CIT: variants seen among roughly 807,000 people sequenced by gnomAD.
CIT encodes citron rho-interacting serine/threonine kinase.
A neutral mutation model predicts 272.7 loss-of-function variants in CIT; 79 were observed. That is an observed-to-expected ratio of 0.29 (90% CI 0.24 to 0.35). The LOEUF (loss-of-function observed/expected upper bound fraction) is 0.35. Ranked by LOEUF, CIT falls within the 10% of genes least tolerant of loss-of-function variation. The pLI is 1.00. For missense variants in CIT, 1,909 were observed against 2,618.3 expected, an observed-to-expected ratio of 0.73 and a Z score of 5.91; for synonymous variants, 948 against 995.6, an observed-to-expected ratio of 0.95 and a Z score of 0.90.
At chr12:119,743,894 A>G (rs1239916287) in intron 23 of CIT, among the ~76,000 whole-genome samples, 2 of 152,228 alleles carry the variant, frequency 1.3e-5, no homozygotes, top group Non-Finnish European at 2.9e-5. Flanking sequence ...CAAGATGATG[A>G]CAGGGACCAA....
At chr12:119,852,627 G>A (rs952450182) in intron 4 of CIT, among the ~76,000 whole-genome samples, 10 of 151,854 alleles carry the variant, frequency 6.6e-5, no homozygotes, top group Admixed American at 3.3e-4. Flanking sequence ...ACTGGAACCC[G>A]GGGGCAGAGG....
Position 119,770,951 on chromosome 12 carries a change from C to T in CIT, c.2083-41G>A. 1.2e-6 allele frequency: 2 copies of T among 1,609,440 alleles called. No individual in the cohort carries two copies. The highest frequency in any genetic ancestry group is 1.7e-6 in the Non-Finnish European group (2 of 1,178,190). Reference sequence around the variant, plus strand: ...CAATCAGAGAGTTTTAATGGAGTAACCGCTATGGGCATAACACCTGCACCG... The same window carrying T: ...CAATCAGAGAGTTTTAATGGAGTAATCGCTATGGGCATAACACCTGCACCG... On this transcript the variant is annotated intron_variant, in intron 17 of 47. Transcript: ENST00000392521. The surrounding 1 kb of genome is among the most constrained non-coding windows in gnomAD (Gnocchi z 4.4).
At chr12:119,724,163 G>C (rs531132702) in intron 28 of CIT, among the ~76,000 whole-genome samples, 144 of 152,168 alleles carry the variant, frequency 9.5e-4, no homozygotes, top group African/African-American at 3.4e-3. Flanking sequence ...TGGAGTGGGA[G>C]AGCTATTTGG....
At position 119,794,258 on chromosome 12, in the gene CIT, T is replaced by A. The variant is rs1236907948; in HGVS notation, c.1295+8948A>T. Among the ~76,000 whole-genome samples, 3 of 151,360 alleles carry A rather than the reference T, an allele frequency of 2.0e-5. No homozygotes were observed. The East Asian group carries it at 5.8e-4, about 29-fold the overall frequency. On this transcript the variant is annotated intron_variant, in intron 10 of 47. Coordinates refer to ENST00000392521, the MANE Select transcript of CIT (RefSeq NM_001206999.2). The stretch of plus-strand genomic sequence containing the variant: ...AGTTGTGCCTTAAGGACTAGAACAA[T>A]ATATTTGTTGAGTGAATGAATGAAT...
chr12:119,798,466 G>C (rs891562218), intron 10 of CIT, among the ~76,000 whole-genome samples: 2 of 152,084 alleles, frequency 1.3e-5, no homozygotes, highest in African/African-American at 4.8e-5. Flanking sequence ...CCTTCCTCTT[G>C]GGCTGGTTGT....
intron 23 of CIT, among the ~76,000 whole-genome samples, chr12:119,743,846 T>C (rs771433883): frequency 6.6e-6 from 1 of 152,168 alleles, no homozygotes; most frequent in Non-Finnish European, 1.5e-5. Context: ...TGTGGTCAAC[T>C]TTTGAAAAAG....
At chr12:119,720,449 A>G in intron 30 of CIT, 29 bp downstream of exon 30, 3 of 1,503,850 alleles carry the variant, frequency 2.0e-6, no homozygotes, top group Non-Finnish European at 2.8e-6. Flanking sequence ...GAAACTGACA[A>G]TTCCCACTTT....
In CIT at chr12:119,822,802, G is replaced by C; in HGVS notation, c.1111+18C>G. The stretch of plus-strand genomic sequence containing the variant: ...CATAATCCCAACATCCCAAATTAAG[G>C]AAAACAGCCCTACTTACAGTTACGA... On this transcript the variant is annotated intron_variant, in intron 9 of 47. Coordinates refer to ENST00000392521, the MANE Select transcript of CIT (RefSeq NM_001206999.2). The C allele has an allele frequency of 6.2e-7, 1 of 1,613,074 alleles. No homozygotes were observed. Among genetic ancestry groups the C allele is most frequent in the Non-Finnish European group, 8.5e-7 (1 of 1,179,692 alleles).
intron 22 of CIT, among the ~76,000 whole-genome samples, chr12:119,755,277 C>T (rs886667293): frequency 7.9e-5 from 12 of 152,272 alleles, no homozygotes; most frequent in Admixed American, 5.2e-4. Flanking sequence ...AAACCAGACA[C>T]TCCAGGTGAA....
chr12:119,716,000 C>T (rs1006068599), intron 32 of CIT, among the ~76,000 whole-genome samples: 4 of 152,194 alleles, frequency 2.6e-5, no homozygotes, highest in Non-Finnish European at 4.4e-5. Context: ...AGTACTATCA[C>T]TATTCAGGGA....
intron 7 of CIT, among the ~76,000 whole-genome samples, chr12:119,828,590 G>C (rs866137562): frequency 7.1e-6 from 1 of 140,476 alleles, no homozygotes; most frequent in African/African-American, 2.6e-5. Context: ...TTTTTTTAAA[G>C]ACTGCTCTGT....
chr12:119,836,063 C>T (rs919089708), intron 5 of CIT, among the ~76,000 whole-genome samples: 1 of 151,624 alleles, frequency 6.6e-6, no homozygotes, highest in South Asian at 2.1e-4. Flanking sequence ...CCGAGGCAGG[C>T]GGATCACAAG....
rs1291794551 is a variant in CIT, at chr12:119,770,671, C to A, written c.2208+114G>T. ...TATGCTGAAACCACCTCACTCAATT[C>A]ATCTACTTGGAGATACCTCCCTTAT... On this transcript the variant is annotated intron_variant, in intron 18 of 47. Transcript: ENST00000392521. The surrounding 1 kb of genome is among the most constrained non-coding windows in gnomAD (Gnocchi z 4.4). 1 of 1,232,156 alleles carries A rather than the reference C, an allele frequency of 8.1e-7. No homozygotes were observed. The highest frequency in any genetic ancestry group is 1.5e-5 in the African/African-American group (1 of 66,812). The allele number at this position is 1,232,156 out of a possible 1,614,324, so 76.3% of individuals were successfully genotyped here.
intron 5 of CIT, among the ~76,000 whole-genome samples, chr12:119,844,720 T>C (rs1378817663): frequency 3.3e-5 from 5 of 152,078 alleles, no homozygotes; most frequent in Admixed American, 3.3e-4. Context: ...AATTACAAAA[T>C]CCCATCAGTA....
At chr12:119,841,471 A>G (rs1206313818) in intron 5 of CIT, among the ~76,000 whole-genome samples, 2 of 152,040 alleles carry the variant, frequency 1.3e-5, no homozygotes, top group East Asian at 1.9e-4. Context: ...CACCGTGCCC[A>G]GCCAAAAGCA....
At chr12:119,750,421 T>C (rs1320126031) in intron 23 of CIT, among the ~76,000 whole-genome samples, 1 of 152,236 alleles carries the variant, frequency 6.6e-6, no homozygotes, top group Non-Finnish European at 1.5e-5. Context: ...TGGTTTTCAG[T>C]CCACTGTGAA....
At chr12:119,707,080 T>C (rs1321813591) in intron 40 of CIT, among the ~76,000 whole-genome samples, 5 of 152,236 alleles carry the variant, frequency 3.3e-5, no homozygotes, top group Non-Finnish European at 7.3e-5. Context: ...TAAATTCGAA[T>C]TTTTAAATTT....
intron 22 of CIT, among the ~76,000 whole-genome samples, chr12:119,754,426 T>C (rs1960674076): frequency 6.6e-6 from 1 of 152,206 alleles, no homozygotes; most frequent in Non-Finnish European, 1.5e-5. Flanking sequence ...AGAGTGGACC[T>C]CTACTAGCAA....
Position 119,712,885 on chromosome 12 carries a change from G to A in CIT, c.4580-190C>T. ...GAGGGAAGATAAAAAAAAATAAAGT[G>A]TGTCAGATGAGTAGCACAGTCAAAT... On this transcript the variant is annotated intron_variant, in intron 35 of 47. Transcript: ENST00000392521. This position sits in a 1 kb window ranked among gnomAD's most constrained non-coding sequence, Gnocchi z 5.2. 1.7e-6 allele frequency: 1 copy of A among 589,570 alleles called. No homozygotes were observed. Among genetic ancestry groups the A allele is most frequent in the Non-Finnish European group, 3.0e-6 (1 of 332,894 alleles). The allele number at this position is 589,570 out of a possible 1,614,324, so 36.5% of individuals were successfully genotyped here. A position where few individuals can be genotyped will look rare whatever the true frequency, so the allele number is the denominator to read the frequency against.
Sources: allele counts gnomAD v4.1 joint callset (sites outside exome capture counted in the v4.1 genomes callset), GRCh38; gene constraint gnomAD v4.1.1; non-coding constraint Gnocchi (gnomAD v3.1); transcripts MANE v1.5; gene names NCBI Gene and HGNC (gene_info 2026-07-23, HGNC 2026-07-21).